The following SLC49A3 variants were observed in gnomAD, a reference collection of about 807,000 sequenced individuals.
SLC49A3 encodes the protein solute carrier family 49 member A3.
Under a neutral mutation model 43.8 loss-of-function variants are expected in SLC49A3, and 50 were observed. The ratio of observed to expected loss-of-function variants is 1.14; its 90% confidence interval spans 0.91 to 1.45. SLC49A3 has a LOEUF of 1.45. Ranked by LOEUF, SLC49A3 falls within the 40% of genes most tolerant of loss-of-function variation. SLC49A3 has a pLI of 0.00. For missense variants in SLC49A3, 906 were observed against 774.1 expected, an observed-to-expected ratio of 1.17 and a Z score of -2.02; for synonymous variants, 413 against 352.0, an observed-to-expected ratio of 1.17 and a Z score of -1.94.
At chr4:679,148 C>A (rs558579152), downstream of SLC49A3, 510 of 733,428 alleles carry the variant, frequency 7.0e-4, 1 homozygote, top group African/African-American at 0.011. Context: ...GCCTCAGAGG[C>A]CCACCAACGG....
At chr4:677,842 G>C (rs946150504), downstream of SLC49A3, 2 of 943,752 alleles carry the variant, frequency 2.1e-6, no homozygotes, top group Admixed American at 3.8e-5. Context: ...CAGGGCAAGG[G>C]TGTGAGTCAC....
chr4:688,555 A>G (rs1741498656), intron 1 of SLC49A3, among the ~76,000 whole-genome samples: 1 of 152,146 alleles, frequency 6.6e-6, no homozygotes, highest in African/African-American at 2.4e-5. Flanking sequence ...TGGGGGCAGG[A>G]CGGAACCCAG....
At chr4:681,406 GCGGGGCTCACAGCTGTGCGGTC>G (rs1248887396), downstream of SLC49A3, among the ~76,000 whole-genome samples, 3 of 152,030 alleles carry the variant, frequency 2.0e-5, no homozygotes, top group African/African-American at 7.2e-5. Context: ...AGCCGGAGGG[GCGGGGCTCACAGCTGTGCGGTC>G]CGGAGCCGCC....
At position 686,599 on chromosome 4, in the gene SLC49A3, A is replaced by T; in HGVS notation, c.227T>A (p.Leu76His). Residue 76 changes from leucine to histidine, a missense_variant, in exon 2 of 10, where the codon CTC becomes CAC. Leu to His is a moderately conservative substitution (Grantham distance 99). Coordinates refer to ENST00000322224, the MANE Select transcript of SLC49A3 (RefSeq NM_032219.4). ...CACGCCAAATGGGGTGGATACCACGAGGTAGACCAGTGACAGCCAGTTGAT... is the reference window on the plus strand; with the variant it reads ...CACGCCAAATGGGGTGGATACCACGTGGTAGACCAGTGACAGCCAGTTGAT... ...EQINWLSLVYLVVSTPFGVAA... is the reference protein window; with the variant it reads ...EQINWLSLVYHVVSTPFGVAA... The T allele has an allele frequency of 1.9e-6, 3 of 1,613,300 alleles. No individual in the cohort carries two copies. The highest frequency in any genetic ancestry group is 2.5e-6 in the Non-Finnish European group (3 of 1,179,964).
downstream of SLC49A3, among the ~76,000 whole-genome samples, chr4:677,480 C>T (rs1321639231): frequency 6.6e-6 from 1 of 152,220 alleles, no homozygotes; most frequent in Non-Finnish European, 1.5e-5. Context: ...AAGGAGCTCC[C>T]AGCCATGAGG....
chr4:683,895 G>A (rs769537111), intron 6 of SLC49A3, 134 bp from the exon 7 acceptor site: 74 of 1,166,838 alleles, frequency 6.3e-5, no homozygotes, highest in Non-Finnish European at 8.1e-5. Flanking sequence ...GCTTCCAGAC[G>A]CACCGCTGGC....
chr4:680,803 G>A (rs1327393409), downstream of SLC49A3: 30 of 640,330 alleles, frequency 4.7e-5, 1 homozygote, highest in Middle Eastern at 1.3e-3. Flanking sequence ...GGGTGGGGCG[G>A]CTTCCCCTCA....
Position 683,208 on chromosome 4 carries a change from AC to A in SLC49A3, c.1151+1del. On this transcript the variant is annotated splice_donor_variant, in intron 8 of 9. Transcript: ENST00000322224. LOFTEE classifies it high-confidence loss of function. ...TTGCAGCAGGGGCAGATGGACACTC[AC>A]CCCAGCACAAAGATCATGCCTGTGG... 1 of 1,612,484 alleles carries A rather than the reference AC, an allele frequency of 6.2e-7. No homozygotes were observed. Among genetic ancestry groups the A allele is most frequent in the Non-Finnish European group, 8.5e-7 (1 of 1,179,822 alleles).
chr4:683,849 C>T (rs1401494382), intron 6 of SLC49A3, 88 bp from the exon 7 acceptor site: 20 of 1,442,604 alleles, frequency 1.4e-5, no homozygotes, highest in Admixed American at 1.1e-4. Context: ...AGTGTAGGGC[C>T]GTGTGCTGTG....
downstream of SLC49A3, among the ~76,000 whole-genome samples, chr4:679,662 A>G (rs1278208630): frequency 6.6e-6 from 1 of 152,158 alleles, no homozygotes; most frequent in African/African-American, 2.4e-5. Context: ...AGAACAGCAG[A>G]TCCCAGCACC....
chr4:690,381 C>A (rs546691053), upstream of SLC49A3, among the ~76,000 whole-genome samples: 1 of 152,202 alleles, frequency 6.6e-6, no homozygotes, highest in African/African-American at 2.4e-5. Flanking sequence ...ACCGTCTAGC[C>A]TCCCCCCTCA....
At chr4:679,607 G>C (rs537573164), downstream of SLC49A3, among the ~76,000 whole-genome samples, 1 of 152,140 alleles carries the variant, frequency 6.6e-6, no homozygotes, top group East Asian at 1.9e-4. Flanking sequence ...TGGGAGGGTC[G>C]CAAGTGACCC....
At chr4:678,106 C>CAA (rs58342428), downstream of SLC49A3, 302,405 of 1,593,898 alleles carry the variant, frequency 0.19, 30,989 homozygotes, top group African/African-American at 0.39. Context: ...TGCGCACAGA[C>CAA]GAGCGTGGGC....
chr4:678,953 C>G (rs758616050), downstream of SLC49A3: 9 of 1,613,612 alleles, frequency 5.6e-6, no homozygotes, highest in South Asian at 9.9e-5. Flanking sequence ...GACCTTGGTC[C>G]CCAGGCATTC....
rs534854301 is a variant in SLC49A3, at chr4:687,103, T to C, written c.136-413A>G. ...CTTCCCTCCTGCAGGGCCCAGGTGT[T>C]TGGGCAGAATGTTGCCAGAGCGGGC... On this transcript the variant is annotated intron_variant, in intron 1 of 9. Transcript: ENST00000322224. Among the ~76,000 whole-genome samples, 14 of 152,316 alleles carry C rather than the reference T, an allele frequency of 9.2e-5. No individual in the cohort carries two copies. In the East Asian group the frequency reaches 2.7e-3, roughly 29 times the overall value.
chr4:691,620 GA>G (rs553636423), upstream of SLC49A3, among the ~76,000 whole-genome samples: 4 of 149,722 alleles, frequency 2.7e-5, no homozygotes, highest in East Asian at 2.0e-4. Context: ...ATAAAACAAG[GA>G]AAAAAAAACA....
chr4:686,349 C>T (rs376324488), intron 2 of SLC49A3, 47 bp from the exon 3 acceptor site: 10 of 1,596,924 alleles, frequency 6.3e-6, no homozygotes, highest in East Asian at 4.5e-5. Flanking sequence ...TGCCACCAGC[C>T]CAAGTGCCTG....
intron 1 of SLC49A3, 101 bp from the exon 2 acceptor site, chr4:686,791 G>A: frequency 1.4e-6 from 2 of 1,431,376 alleles, no homozygotes; most frequent in South Asian, 1.3e-5. Flanking sequence ...GCAGCCCCGT[G>A]AGGCCGAGGG....
Position 682,262 on chromosome 4 carries a change from C to A in SLC49A3, c.1376G>T (p.Arg459Leu). 1 of 1,377,224 alleles carries A rather than the reference C, an allele frequency of 7.3e-7. No individual in the cohort carries two copies. The highest frequency in any genetic ancestry group is 1.9e-5 in the South Asian group (1 of 54,000). The allele number at this position is 1,377,224 out of a possible 1,614,324, so 85.3% of individuals were successfully genotyped here. ...QAESGEPPST[R>L]NAVGGADSGP... is the part of the protein sequence containing the mutation. The stretch of plus-strand genomic sequence containing the variant: ...TGAGTCTGCGCCGCCCACGGCGTTA[C>A]GGGTGGAGGGGGGCTCCCCAGACTC... Residue 459 changes from arginine (R) to leucine (L), a missense_variant, in exon 10 of 10, where the codon CGT (arginine) becomes CTT (leucine). By Grantham distance (102) the Arg-to-Leu change is moderately radical. Coordinates refer to ENST00000322224, the MANE Select transcript of SLC49A3 (RefSeq NM_032219.4).
Sources: gnomAD v4.1 joint callset for allele counts (sites outside exome capture counted in the v4.1 genomes callset) on GRCh38, gnomAD v4.1.1 for gene constraint, MANE v1.5 for transcripts, NCBI Gene and HGNC (gene_info 2026-07-23, HGNC 2026-07-21) for gene names.